TMTC2: variants seen among roughly 807,000 people sequenced by gnomAD.
TMTC2 encodes transmembrane O-mannosyltransferase targeting cadherins 2, also known as protein O-mannosyl-transferase TMTC2.
In TMTC2, 43 loss-of-function variants were observed where a neutral mutation model predicts 82.4. The ratio of observed to expected loss-of-function variants is 0.52; its 90% CI spans 0.41 to 0.67. TMTC2 has a LOEUF of 0.67. Ranked by LOEUF, TMTC2 falls within the 30% of genes least tolerant of loss-of-function variation. The pLI is 0.00. For synonymous variants in TMTC2, 408 were observed against 381.9 expected, an observed-to-expected ratio of 1.07 and a Z score of -0.80; for missense variants, 919 against 1,012.4, an observed-to-expected ratio of 0.91 and a Z score of 1.25.
chr12:82,703,577 C>T (rs1384319311), intron 1 of TMTC2, among the ~76,000 whole-genome samples: 3 of 150,714 alleles, frequency 2.0e-5, no homozygotes, highest in Non-Finnish European at 4.4e-5. Context: ...CGGCTCACTG[C>T]AAGCTCCACC....
chr12:83,114,657 C>T (rs1366863619), intron 11 of TMTC2, among the ~76,000 whole-genome samples: 1 of 152,026 alleles, frequency 6.6e-6, no homozygotes, highest in Non-Finnish European at 1.5e-5. Context: ...AGTTGATCTC[C>T]ATCAGACAGC....
At chr12:82,749,916 T>G (rs1192581595) in intron 1 of TMTC2, among the ~76,000 whole-genome samples, 1 of 152,008 alleles carries the variant, frequency 6.6e-6, no homozygotes, top group African/African-American at 2.4e-5. Flanking sequence ...TTTTACATTT[T>G]TCGTGGAGGT....
At chr12:82,755,570 G>A (rs992797201) in intron 1 of TMTC2, among the ~76,000 whole-genome samples, 2 of 152,200 alleles carry the variant, frequency 1.3e-5, no homozygotes, top group Non-Finnish European at 2.9e-5. Flanking sequence ...GATCACCGGT[G>A]TTAGTGGTAG....
intron 4 of TMTC2, among the ~76,000 whole-genome samples, chr12:82,958,659 C>A (rs1877751507): frequency 6.6e-6 from 1 of 152,002 alleles, no homozygotes; most frequent in Non-Finnish European, 1.5e-5. Flanking sequence ...CCTCAAGAAA[C>A]TAGACATTGA....
chr12:82,707,363 T>C (rs1261025032), intron 1 of TMTC2, among the ~76,000 whole-genome samples: 1 of 152,198 alleles, frequency 6.6e-6, no homozygotes, highest in Non-Finnish European at 1.5e-5. Flanking sequence ...ACCATTACAC[T>C]GGGCATTAGG....
intron 1 of TMTC2, among the ~76,000 whole-genome samples, chr12:82,732,803 C>T (rs1874897547): frequency 6.6e-6 from 1 of 152,162 alleles, no homozygotes; most frequent in Admixed American, 6.5e-5. Context: ...TTTGAAACAT[C>T]CTGGCACCTA....
At chr12:82,946,941 G>A (rs771454150) in intron 4 of TMTC2, among the ~76,000 whole-genome samples, 4 of 151,748 alleles carry the variant, frequency 2.6e-5, no homozygotes, top group Non-Finnish European at 5.9e-5. Context: ...ACGGGGTTTC[G>A]CAGTGTTAGC....
At chr12:83,107,773 C>CT (rs1344770517) in intron 11 of TMTC2, among the ~76,000 whole-genome samples, 1 of 151,402 alleles carries the variant, frequency 6.6e-6, no homozygotes, top group Non-Finnish European at 1.5e-5. Flanking sequence ...TCCTTATGAC[C>CT]CCCCGTGCCC....
chr12:82,752,085 T>C (rs1485991982), intron 1 of TMTC2, among the ~76,000 whole-genome samples: 1 of 152,064 alleles, frequency 6.6e-6, no homozygotes, highest in Non-Finnish European at 1.5e-5. Flanking sequence ...AGTTGTTAAA[T>C]AGATACATTA....
intron 1 of TMTC2, among the ~76,000 whole-genome samples, chr12:82,752,867 C>T (rs923166596): frequency 5.9e-5 from 9 of 152,072 alleles, no homozygotes; most frequent in African/African-American, 2.2e-4. Flanking sequence ...TATCCCTGCT[C>T]AGCTGTGCCA....
chr12:82,874,954 A>G (rs1340572487), intron 2 of TMTC2, among the ~76,000 whole-genome samples: 7 of 152,168 alleles, frequency 4.6e-5, no homozygotes, highest in Non-Finnish European at 7.3e-5. Flanking sequence ...CTAAAAAAAA[A>G]TCGTTAAGTG....
intron 11 of TMTC2, among the ~76,000 whole-genome samples, chr12:83,106,465 C>T (rs569046047): frequency 4.9e-4 from 72 of 148,232 alleles, no homozygotes; most frequent in African/African-American, 1.7e-3. Flanking sequence ...CGCCATTGCA[C>T]TCCAGCCTGG....
intron 1 of TMTC2, among the ~76,000 whole-genome samples, chr12:82,766,825 T>C (rs1876988934): frequency 6.6e-6 from 1 of 152,100 alleles, no homozygotes; most frequent in Non-Finnish European, 1.5e-5. Flanking sequence ...GGAGTCTCGC[T>C]CTGTCACCCA....
intron 1 of TMTC2, among the ~76,000 whole-genome samples, chr12:82,798,807 C>CAAAAAAAAA (rs544522111): frequency 2.6e-4 from 23 of 88,304 alleles, no homozygotes; most frequent in African/African-American, 8.9e-4. Flanking sequence ...AACTCCGTCT[C>CAAAAAAAAA]AAAAAAAAAA....
chr12:82,850,393 G>A (rs1489070194), intron 1 of TMTC2, among the ~76,000 whole-genome samples: 3 of 152,112 alleles, frequency 2.0e-5, no homozygotes, highest in Non-Finnish European at 4.4e-5. Flanking sequence ...AAATGTGGAT[G>A]TCAAATGGAC....
At chr12:82,833,371 TG>T (rs2137078807) in intron 1 of TMTC2, among the ~76,000 whole-genome samples, 1 of 152,294 alleles carries the variant, frequency 6.6e-6, no homozygotes, top group South Asian at 2.1e-4. Flanking sequence ...GAATTACTTG[TG>T]AGGCTACAAA....
chr12:82,696,193 G>T (rs1360197857), intron 1 of TMTC2, among the ~76,000 whole-genome samples: 1 of 152,118 alleles, frequency 6.6e-6, no homozygotes, highest in Non-Finnish European at 1.5e-5. Flanking sequence ...GCTTAATCAG[G>T]CAAAAAGACA....
At chr12:83,097,801 G>A (rs141578838) in intron 11 of TMTC2, among the ~76,000 whole-genome samples, 76 of 152,248 alleles carry the variant, frequency 5.0e-4, no homozygotes, top group Middle Eastern at 3.4e-3. Context: ...AAATATATGC[G>A]CATGCACAGG....
At chr12:83,044,950 T>C (rs922268728) in intron 9 of TMTC2, among the ~76,000 whole-genome samples, 4 of 152,206 alleles carry the variant, frequency 2.6e-5, no homozygotes, top group African/African-American at 9.6e-5. Context: ...CCAGCTTACA[T>C]TTTTATGGAT....
Sources: allele counts gnomAD v4.1 joint callset (sites outside exome capture counted in the v4.1 genomes callset), GRCh38; gene constraint gnomAD v4.1.1; transcripts MANE v1.5; gene names NCBI Gene and HGNC (gene_info 2026-07-23, HGNC 2026-07-21).